DPP6: variants seen among roughly 807,000 people sequenced by gnomAD.
DPP6 encodes A-type potassium channel modulatory protein DPP6.
A neutral mutation model predicts 122.6 loss-of-function variants in DPP6; 69 were observed. The ratio of observed to expected loss-of-function variants is 0.56; its 90% CI spans 0.46 to 0.69. The LOEUF (loss-of-function observed/expected upper bound fraction) is 0.69. Among genes scored for constraint, DPP6 ranks in the 30% least tolerant of loss-of-function variants. The probability of loss-of-function intolerance (pLI) is 0.00; values close to 1 mark genes in which losing one functional copy is unlikely to be tolerated. For synonymous variants in DPP6, 418 were observed against 433.1 expected, an observed-to-expected ratio of 0.97 and a Z score of 0.43; for missense variants, 928 against 1,116.9, an observed-to-expected ratio of 0.83 and a Z score of 2.41.
At chr7:154,664,243 G>A (rs1320707935) in intron 6 of DPP6, among the ~76,000 whole-genome samples, 3 of 140,898 alleles carry the variant, frequency 2.1e-5, no homozygotes, top group Non-Finnish European at 1.6e-5. Context: ...GTGTTCACGC[G>A]ATCATGGTGA....
chr7:154,440,577 A>C (rs1008257684), intron 1 of DPP6, among the ~76,000 whole-genome samples: 1 of 152,214 alleles, frequency 6.6e-6, no homozygotes, highest in African/African-American at 2.4e-5. Context: ...AATTATTTAA[A>C]GCTATCAATT....
the DPP6 span, among the ~76,000 whole-genome samples, chr7:153,785,652 T>C: frequency 6.6e-6 from 1 of 152,268 alleles, no homozygotes; most frequent in African/African-American, 2.4e-5. Context: ...TATATATACT[T>C]TTTTTTCTGA....
At chr7:154,152,091 G>A (rs1330603201) in intron 1 of DPP6, among the ~76,000 whole-genome samples, 1 of 151,134 alleles carries the variant, frequency 6.6e-6, no homozygotes, top group African/African-American at 2.4e-5. Context: ...ATGCCTTGGT[G>A]CATCCTAGAT....
chr7:154,473,099 TA>T (rs2151343695), intron 2 of DPP6, among the ~76,000 whole-genome samples: 2 of 152,366 alleles, frequency 1.3e-5, no homozygotes, highest in South Asian at 4.1e-4. Context: ...TTTAATCAGA[TA>T]AAATGTAAAT....
chr7:154,107,135 C>T (rs1003230689), intron 1 of DPP6, among the ~76,000 whole-genome samples: 24 of 152,126 alleles, frequency 1.6e-4, no homozygotes, highest in African/African-American at 5.8e-4. Flanking sequence ...ATCTGCACTC[C>T]CATGCTCACT....
At chr7:154,280,081 C>T (rs899261755) in intron 1 of DPP6, among the ~76,000 whole-genome samples, 3 of 152,154 alleles carry the variant, frequency 2.0e-5, no homozygotes, top group Admixed American at 6.5e-5. Context: ...TGTTTATCCC[C>T]GATAACTGCA....
intron 1 of DPP6, among the ~76,000 whole-genome samples, chr7:154,344,439 A>G (rs1351366371): frequency 6.6e-6 from 1 of 152,194 alleles, no homozygotes; most frequent in African/African-American, 2.4e-5. Context: ...GGATGTGGAG[A>G]AAAGGGAACC....
chr7:154,543,665 C>T (rs941607235), intron 4 of DPP6, among the ~76,000 whole-genome samples: 2 of 152,064 alleles, frequency 1.3e-5, no homozygotes, highest in African/African-American at 4.8e-5. Context: ...TGGTAGAAAT[C>T]ATGAAATATT....
intron 8 of DPP6, among the ~76,000 whole-genome samples, chr7:154,759,138 T>C (rs985695152): frequency 6.6e-6 from 1 of 152,166 alleles, no homozygotes; most frequent in Non-Finnish European, 1.5e-5. Context: ...TCCAGCCCCC[T>C]GGTGCGAATT....
chr7:154,855,940 G>A (rs1276556892), intron 17 of DPP6, among the ~76,000 whole-genome samples: 2 of 152,192 alleles, frequency 1.3e-5, no homozygotes, highest in South Asian at 4.1e-4. Flanking sequence ...TGATGGTCTG[G>A]TAGAAATTAG....
At chr7:154,421,124 C>T (rs1486560514) in intron 1 of DPP6, among the ~76,000 whole-genome samples, 1 of 151,616 alleles carries the variant, frequency 6.6e-6, no homozygotes, top group East Asian at 2.0e-4. Context: ...ACGTCTGACA[C>T]TCAGTTCTAC....
intron 1 of DPP6, among the ~76,000 whole-genome samples, chr7:154,352,807 C>T (rs1047797352): frequency 1.3e-5 from 2 of 152,170 alleles, no homozygotes; most frequent in African/African-American, 4.8e-5. Flanking sequence ...CAAACCTGCA[C>T]GTTCTTCACA....
At chr7:154,561,731 A>G (rs1325175468) in intron 4 of DPP6, among the ~76,000 whole-genome samples, 1 of 152,182 alleles carries the variant, frequency 6.6e-6, no homozygotes, top group Non-Finnish European at 1.5e-5. Flanking sequence ...AAAATGTTAG[A>G]AAAAATGACC....
intron 1 of DPP6, among the ~76,000 whole-genome samples, chr7:154,243,564 G>A (rs1014795710): frequency 1.3e-5 from 2 of 152,166 alleles, no homozygotes; most frequent in Non-Finnish European, 2.9e-5. Flanking sequence ...GGGAGGCCAA[G>A]GTGGGCAGAT....
chr7:154,885,796 C>T, intron 22 of DPP6, 52 bp downstream of exon 22: 1 of 1,547,090 alleles, frequency 6.5e-7, no homozygotes, highest in Non-Finnish European at 8.7e-7. Context: ...CCCCGCCCCG[C>T]CCCCTGCCTG....
At chr7:154,216,163 C>A (rs556193180) in intron 1 of DPP6, among the ~76,000 whole-genome samples, 1 of 152,162 alleles carries the variant, frequency 6.6e-6, no homozygotes, top group Non-Finnish European at 1.5e-5. Flanking sequence ...CCCCACGGGA[C>A]GCATTGAGTG....
At position 154,241,945 on chromosome 7, in the gene DPP6, C is replaced by T. The variant is rs531187493; in HGVS notation, c.243+188882C>T. Among the ~76,000 whole-genome samples, 1 of 152,296 alleles carries T rather than the reference C, an allele frequency of 6.6e-6. No individual in the cohort carries two copies. The highest frequency in any genetic ancestry group is 1.9e-4 in the East Asian group (1 of 5,184). ...GGCTGAGTTTCTAGTAGATGTTAAT[C>T]AAATTCTTTGCATGTGATTGCTCAG... On this transcript the variant is annotated intron_variant, in intron 1 of 25. Coordinates refer to ENST00000377770, the MANE Select transcript of DPP6 (RefSeq NM_130797.4). This position sits in a 1 kb window ranked among gnomAD's most constrained non-coding sequence, Gnocchi z 9.0.
chr7:154,575,696 T>G (rs1419437732), intron 5 of DPP6, among the ~76,000 whole-genome samples: 1 of 143,010 alleles, frequency 7.0e-6, no homozygotes, highest in African/African-American at 2.6e-5. Flanking sequence ...TGTGTGTATG[T>G]GGTGTTTGTG....
intron 1 of DPP6, among the ~76,000 whole-genome samples, chr7:154,175,710 C>A (rs1316197045): frequency 6.8e-6 from 1 of 146,760 alleles, no homozygotes; most frequent in African/African-American, 2.5e-5. Flanking sequence ...TTTATTCTTA[C>A]TGGAGACTGG....
Sources: gnomAD v4.1 joint callset for allele counts (sites outside exome capture counted in the v4.1 genomes callset) on GRCh38, gnomAD v4.1.1 for gene constraint, Gnocchi (gnomAD v3.1) non-coding constraint, MANE v1.5 for transcripts, NCBI Gene and HGNC (gene_info 2026-07-23, HGNC 2026-07-21) for gene names.